The following AKAP6 variants were observed in gnomAD, a reference collection of about 807,000 sequenced individuals.
The protein encoded by AKAP6 is A-kinase anchor protein 6.
Under a neutral mutation model 188.5 loss-of-function variants are expected in AKAP6, and 58 were observed. The observed-to-expected ratio is 0.31, with a 90% CI of 0.25 to 0.38. The LOEUF (loss-of-function observed/expected upper bound fraction) is 0.38, where lower values mean the gene tolerates loss of function less well. AKAP6 is among the 10% of genes least tolerant of loss of function. The probability of loss-of-function intolerance (pLI) is 1.00; values close to 1 mark genes in which losing one functional copy is unlikely to be tolerated. For missense variants in AKAP6, 2,710 were observed against 2,740.0 expected, an observed-to-expected ratio of 0.99 and a Z score of 0.24; for synonymous variants, 989 against 998.6, an observed-to-expected ratio of 0.99 and a Z score of 0.18.
At chr14:32,825,012 A>G (rs2034640375) in intron 13 of AKAP6, among the ~76,000 whole-genome samples, 197 bp downstream of exon 13, 1 of 152,174 alleles carries the variant, frequency 6.6e-6, no homozygotes, top group Admixed American at 6.5e-5. Context: ...GAAAATTGAC[A>G]TTCTTAGTGA....
intron 12 of AKAP6, among the ~76,000 whole-genome samples, chr14:32,779,193 T>G (rs1028648151): frequency 6.6e-5 from 10 of 151,886 alleles, no homozygotes; most frequent in African/African-American, 2.4e-4. Context: ...CCCAGGAGTT[T>G]GAGACCAGCC....
rs1179738367 is a variant in AKAP6 at position 32,546,112 on chromosome 14, G to A, written c.1459G>A (p.Asp487Asn). 3.1e-6 allele frequency: 5 copies of A among 1,613,972 alleles called. No individual in the cohort carries two copies. Among genetic ancestry groups the A allele is most frequent in the African/African-American group, 1.3e-5 (1 of 74,896 alleles). ...EISSSLGRLN[D>N]CYKEKSRLKK... The stretch of plus-strand genomic sequence containing the variant: ...TTCTTCCAGCCTGGGAAGGCTTAAC[G>A]ACTGCTATAAAGAGAAATCTCGACT... Residue 487 changes from aspartate to asparagine, a missense_variant, in exon 4 of 14, where the codon GAC becomes AAC. Asp to Asn is a conservative substitution (Grantham distance 23). This residue lies in a region of AKAP6 where 2,473 missense variants were observed against 2,426.1 expected (regional missense o/e 1.02). Coordinates refer to ENST00000280979, the MANE Select transcript of AKAP6 (RefSeq NM_004274.5).
chr14:32,794,124 CA>C (rs531311816), intron 12 of AKAP6, among the ~76,000 whole-genome samples: 48 of 152,214 alleles, frequency 3.2e-4, no homozygotes, highest in African/African-American at 9.1e-4. Context: ...TCAGCAAATG[CA>C]AAAAACTGAA....
Position 32,800,117 on chromosome 14 carries a change from C to CAT in AKAP6, c.3589-21277_3589-21276dup, listed in dbSNP as rs768923326. ...ATATATATATAGAAATATATATACA[C>CAT]ATATATATACACACATATATATACA... On this transcript the variant is annotated intron_variant, in intron 12 of 13. Coordinates refer to ENST00000280979, the MANE Select transcript of AKAP6 (RefSeq NM_004274.5). Among the ~76,000 whole-genome samples, 780 of 143,854 alleles carry CAT rather than the reference C, an allele frequency of 5.4e-3. 12 individuals carry two copies. Among genetic ancestry groups the CAT allele is most frequent in the East Asian group, 0.038 (189 of 5,012 alleles). 94.4% of individuals were successfully genotyped at this position (143,854 alleles called of 152,430 possible).
chr14:32,782,057 C>A (rs2033267884), intron 12 of AKAP6, among the ~76,000 whole-genome samples: 1 of 151,852 alleles, frequency 6.6e-6, no homozygotes, highest in Non-Finnish European at 1.5e-5. Flanking sequence ...CCCAGCTACT[C>A]TGGAGGCTGA....
rs1459842154 is a variant in AKAP6, at chr14:32,540,166, C to CTATA, written c.576+4362_576+4363insATAT. ...TCTCTCTCTCTCTCTCTCTCTCTCT[C>CTATA]TCTATATATATATATATATATATAT... On this transcript the variant is annotated intron_variant, in intron 3 of 13. Coordinates refer to ENST00000280979, the MANE Select transcript of AKAP6 (RefSeq NM_004274.5). Among the ~76,000 whole-genome samples, 476 of 87,320 alleles carry CTATA rather than the reference C, an allele frequency of 5.5e-3. 1 individual carries two copies. The highest frequency in any genetic ancestry group is 6.6e-3 in the African/African-American group (106 of 16,138). The allele number at this position is 87,320 out of a possible 152,430, so 57.3% of individuals were successfully genotyped here. A position where few individuals can be genotyped will look rare whatever the true frequency, so the allele number is the denominator to read the frequency against.
chr14:32,517,305 T>G (rs970593804), intron 2 of AKAP6, among the ~76,000 whole-genome samples: 4 of 152,216 alleles, frequency 2.6e-5, no homozygotes, highest in Non-Finnish European at 5.9e-5. Context: ...AATATCATCA[T>G]GCTGGAGGCT....
intron 8 of AKAP6, among the ~76,000 whole-genome samples, chr14:32,690,781 A>G (rs1003277866): frequency 2.0e-5 from 3 of 152,194 alleles, no homozygotes; most frequent in Non-Finnish European, 4.4e-5. Flanking sequence ...AAGTTAGAAG[A>G]CTTTTTCTCC....
At chr14:32,775,807 C>G (rs1189904064) in intron 12 of AKAP6, among the ~76,000 whole-genome samples, 1 of 152,152 alleles carries the variant, frequency 6.6e-6, no homozygotes, top group Non-Finnish European at 1.5e-5. Context: ...CAAGCTACTA[C>G]ATACAGGTAG....
At chr14:32,487,086 T>G (rs10143760) in intron 2 of AKAP6, among the ~76,000 whole-genome samples, 102,165 of 152,066 alleles carry the variant, frequency 0.67, 35,801 homozygotes, top group East Asian at 0.89. Flanking sequence ...ATGTGGTTTT[T>G]GTCATTGGTT....
intron 13 of AKAP6, among the ~76,000 whole-genome samples, chr14:32,828,521 TCTCTCTCTCACACACACACACA>T (rs2034735502): frequency 6.1e-5 from 2 of 32,688 alleles, no homozygotes; most frequent in East Asian, 7.8e-4. Flanking sequence ...TCTCTCTCTC[TCTCTCTCTCACACACACACACA>T]CACACACACA....
rs545222297 is a variant in AKAP6, at chr14:32,531,665, A to G, written c.325-3889A>G. 2.6e-5 allele frequency among the ~76,000 whole-genome samples: 4 copies of G among 152,274 alleles called. No homozygotes were observed. The South Asian group carries it at 8.3e-4, about 32-fold the overall frequency. On this transcript the variant is annotated intron_variant, in intron 2 of 13. Coordinates refer to ENST00000280979, the MANE Select transcript of AKAP6 (RefSeq NM_004274.5). ...CATGCCCTCCCCATCCCCAGTCTCT[A>G]GTAGTCACTCATCTATTGTCTATCA...
chr14:32,404,356 T>C (rs370580076), intron 1 of AKAP6, among the ~76,000 whole-genome samples: 1 of 152,000 alleles, frequency 6.6e-6, no homozygotes, highest in East Asian at 1.9e-4. Flanking sequence ...AAAAAAATAC[T>C]GAAGTGATTT....
chr14:32,701,754 C>A (rs1335906735), intron 9 of AKAP6, among the ~76,000 whole-genome samples: 5 of 152,052 alleles, frequency 3.3e-5, no homozygotes, highest in African/African-American at 9.7e-5. Context: ...GAATAGCTCT[C>A]TTTTATTTTG....
chr14:32,564,854 A>G (rs1000145528), intron 4 of AKAP6, among the ~76,000 whole-genome samples: 5 of 152,234 alleles, frequency 3.3e-5, no homozygotes, highest in Non-Finnish European at 5.9e-5. Context: ...CAAGATCAAC[A>G]CTAAATGTTT....
At position 32,830,139 on chromosome 14, in the gene AKAP6, C is replaced by T; in HGVS notation, c.*334C>T. 2 of 584,466 alleles carry T rather than the reference C, an allele frequency of 3.4e-6. No homozygotes were observed. The highest frequency in any genetic ancestry group is 6.1e-6 in the Non-Finnish European group (2 of 329,514). 36.2% of individuals were successfully genotyped at this position (584,466 alleles called of 1,614,324 possible). ...GACTTTTCTCTTTGCCTCCTCCCTT[C>T]CCTTCCACTCTTTAAAGTTCTGCAG... On this transcript the variant is annotated 3_prime_UTR_variant, in exon 14 of 14. Coordinates refer to ENST00000280979, the MANE Select transcript of AKAP6 (RefSeq NM_004274.5).
intron 2 of AKAP6, among the ~76,000 whole-genome samples, chr14:32,490,632 G>T (rs1879961928): frequency 2.0e-5 from 3 of 152,054 alleles, no homozygotes. Context: ...CTGAGCTCCA[G>T]TTTTTGTCCC....
chr14:32,418,182 T>G (rs1168481937), intron 1 of AKAP6, among the ~76,000 whole-genome samples: 1 of 152,200 alleles, frequency 6.6e-6, no homozygotes, highest in Non-Finnish European at 1.5e-5. Flanking sequence ...AAAGGACCAG[T>G]TGTTTCTGAG....
chr14:32,788,959 A>G (rs796114073), intron 12 of AKAP6, among the ~76,000 whole-genome samples: 21 of 152,316 alleles, frequency 1.4e-4, no homozygotes, highest in African/African-American at 4.6e-4. Flanking sequence ...AGTCTGCCTG[A>G]GACAGGACTG....
Sources: gnomAD v4.1 joint callset for allele counts (sites outside exome capture counted in the v4.1 genomes callset) on GRCh38, gnomAD v4.1.1 for gene constraint, gnomAD v4.1.1 regional missense constraint, MANE v1.5 for transcripts, NCBI Gene and HGNC (gene_info 2026-07-23, HGNC 2026-07-21) for gene names.